PKIB: variants seen among roughly 807,000 people sequenced by gnomAD.
The protein encoded by PKIB is cAMP-dependent protein kinase inhibitor beta.
PKIB carries 2 observed loss-of-function variants against 4.5 expected under a neutral mutation model. The observed-to-expected ratio is 0.44, with a 90% CI of 0.18 to 1.39. The LOEUF is 1.39. Ranked by LOEUF, PKIB falls within the 40% of genes most tolerant of loss-of-function variation. The pLI is 0.27. For missense variants in PKIB, 94 were observed against 92.6 expected (o/e 1.02, Z -0.06); for synonymous variants, 38 against 36.0 (o/e 1.06, Z -0.20).
intron 2 of PKIB, among the ~76,000 whole-genome samples, chr6:122,520,928 T>G (rs1326958536): frequency 4.6e-5 from 7 of 152,180 alleles, no homozygotes; most frequent in Admixed American, 6.5e-5. Flanking sequence ...CAAAAAGTTG[T>G]TGAAATGCTT....
chr6:122,690,746 A>AGG (rs1778297762), intron 3 of PKIB, among the ~76,000 whole-genome samples: 1 of 152,022 alleles, frequency 6.6e-6, no homozygotes, highest in African/African-American at 2.4e-5. Context: ...CTTATTAGTA[A>AGG]CAGTGAGTTT....
intron 2 of PKIB, among the ~76,000 whole-genome samples, chr6:122,559,375 T>A (rs1772950513): frequency 6.6e-6 from 1 of 152,092 alleles, no homozygotes; most frequent in Admixed American, 6.5e-5. Context: ...TATTTCTGGC[T>A]TCTGTATTCT....
intron 2 of PKIB, among the ~76,000 whole-genome samples, chr6:122,572,223 G>T (rs1305613265): frequency 6.6e-6 from 1 of 152,050 alleles, no homozygotes; most frequent in African/African-American, 2.4e-5. Flanking sequence ...ATAACAAAAT[G>T]ATTAGTTCAA....
At chr6:122,500,535 A>G (rs1284853216) in intron 2 of PKIB, among the ~76,000 whole-genome samples, 1 of 152,258 alleles carries the variant, frequency 6.6e-6, no homozygotes, top group African/African-American at 2.4e-5. Flanking sequence ...TACACAAACA[A>G]TGCTGTCCAA....
chr6:122,559,310 TC>T (rs1772949157), intron 2 of PKIB, among the ~76,000 whole-genome samples: 1 of 151,758 alleles, frequency 6.6e-6, no homozygotes, highest in South Asian at 2.1e-4. Flanking sequence ...TATGCCACTT[TC>T]CCCACTTTAT....
chr6:122,695,767 C>T (rs1778545793), intron 3 of PKIB, among the ~76,000 whole-genome samples: 1 of 152,110 alleles, frequency 6.6e-6, no homozygotes, highest in Non-Finnish European at 1.5e-5. Flanking sequence ...TGTGACAGGG[C>T]TTAAATCCTA....
intron 2 of PKIB, among the ~76,000 whole-genome samples, chr6:122,663,717 C>T (rs1445433557): frequency 1.3e-5 from 2 of 152,174 alleles, no homozygotes; most frequent in Non-Finnish European, 2.9e-5. Context: ...CATATTGGAT[C>T]AAGGGACTGC....
intron 3 of PKIB, among the ~76,000 whole-genome samples, chr6:122,683,867 A>G (rs969659742): frequency 3.9e-5 from 6 of 152,202 alleles, no homozygotes; most frequent in African/African-American, 7.2e-5. Context: ...ACTTCTGGAT[A>G]TTTATTCCAA....
chr6:122,559,112 CAT>C (rs1251389785), intron 2 of PKIB, among the ~76,000 whole-genome samples: 1 of 151,746 alleles, frequency 6.6e-6, no homozygotes, highest in Non-Finnish European at 1.5e-5. Flanking sequence ...AGTATTCCAT[CAT>C]ATATATATGA....
intron 1 of PKIB, among the ~76,000 whole-genome samples, chr6:122,477,242 T>G (rs1775473111): frequency 6.6e-6 from 1 of 152,198 alleles, no homozygotes; most frequent in South Asian, 2.1e-4. Context: ...TATTGGACAA[T>G]GCAGGTCTGT....
At chr6:122,611,397 G>A (rs1237196677) in intron 1 of PKIB, among the ~76,000 whole-genome samples, 1 of 152,140 alleles carries the variant, frequency 6.6e-6, no homozygotes, top group Non-Finnish European at 1.5e-5. Context: ...CATGTGGGAA[G>A]CACTAAAACA....
intron 2 of PKIB, among the ~76,000 whole-genome samples, chr6:122,643,236 G>C (rs1349727564): frequency 6.6e-6 from 1 of 152,062 alleles, no homozygotes; most frequent in Non-Finnish European, 1.5e-5. Context: ...CCATGCAATT[G>C]TTTGATTTTG....
At chr6:122,553,477 TCTTC>T (rs1295426637) in intron 2 of PKIB, among the ~76,000 whole-genome samples, 1 of 110,230 alleles carries the variant, frequency 9.1e-6, no homozygotes, top group East Asian at 3.2e-4. Context: ...TGCTCAAATA[TCTTC>T]TTTTTTTTTT....
chr6:122,603,632 T>C (rs1029492973), intron 3 of PKIB, among the ~76,000 whole-genome samples: 4 of 152,088 alleles, frequency 2.6e-5, no homozygotes, highest in African/African-American at 9.7e-5. Context: ...AGGTATGTGC[T>C]ACCACGCCCG....
At chr6:122,667,493 C>A (rs1372108224) in intron 2 of PKIB, among the ~76,000 whole-genome samples, 2 of 151,472 alleles carry the variant, frequency 1.3e-5, no homozygotes, top group Non-Finnish European at 2.9e-5. Flanking sequence ...GCCGAGATGA[C>A]GCCACTGCAC....
intron 1 of PKIB, among the ~76,000 whole-genome samples, chr6:122,628,140 G>A (rs1463356673): frequency 4.0e-5 from 6 of 151,552 alleles, no homozygotes; most frequent in East Asian, 3.9e-4. Flanking sequence ...AGGTTCAAGC[G>A]ATTCTCCTGC....
chr6:122,624,765 T>G (rs927783562), intron 1 of PKIB, among the ~76,000 whole-genome samples: 33 of 152,338 alleles, frequency 2.2e-4, no homozygotes, highest in Admixed American at 2.1e-3. Flanking sequence ...ACTTATTAGC[T>G]GTGTGATCTT....
At chr6:122,519,519 A>C (rs1035084549) in intron 2 of PKIB, among the ~76,000 whole-genome samples, 5 of 152,172 alleles carry the variant, frequency 3.3e-5, no homozygotes, top group Non-Finnish European at 7.4e-5. Context: ...AAAAGGTTGG[A>C]GACCACTGTT....
chr6:122,667,518 C>G (rs1220074589), intron 2 of PKIB, among the ~76,000 whole-genome samples: 1 of 95,052 alleles, frequency 1.1e-5, no homozygotes. Context: ...GCCTGGGGGA[C>G]AAAGCAAGAC....
Sources: allele counts gnomAD v4.1 joint callset (sites outside exome capture counted in the v4.1 genomes callset), GRCh38; gene constraint gnomAD v4.1.1; transcripts MANE v1.5; gene names NCBI Gene and HGNC (gene_info 2026-07-23, HGNC 2026-07-21).